The following CLVS1 variants were observed in gnomAD, a reference collection of about 807,000 sequenced individuals.
The protein encoded by CLVS1 is clavesin-1.
A neutral mutation model predicts 33.1 loss-of-function variants in CLVS1; 10 were observed. The observed-to-expected ratio is 0.30, with a 90% CI of 0.19 to 0.51. The LOEUF (loss-of-function observed/expected upper bound fraction) is 0.51, where lower values mean the gene tolerates loss of function less well. Among genes scored for constraint, CLVS1 ranks in the 20% least tolerant of loss-of-function variants. The pLI, the probability that CLVS1 is intolerant of heterozygous loss-of-function variation, is 0.97. For missense variants in CLVS1, 343 were observed against 433.4 expected (o/e 0.79, Z 1.85); for synonymous variants, 163 against 166.1 (o/e 0.98, Z 0.14).
At chr8:61,322,772 A>T (rs1811244162) in intron 2 of CLVS1, among the ~76,000 whole-genome samples, 1 of 152,136 alleles carries the variant, frequency 6.6e-6, no homozygotes. Context: ...TCAATTAATC[A>T]ATTAATTAAT....
chr8:61,089,222 A>G (rs892169097), intron 1 of CLVS1, among the ~76,000 whole-genome samples: 17 of 152,234 alleles, frequency 1.1e-4, no homozygotes, highest in African/African-American at 3.9e-4. Context: ...ATCAATTTCT[A>G]TAATTTAACC....
At position 61,362,392 on chromosome 8, in the gene CLVS1, A is replaced by T. The variant is rs955261960; in HGVS notation, c.456-14213A>T. Among the ~76,000 whole-genome samples, 8 of 152,338 alleles carry T rather than the reference A, an allele frequency of 5.3e-5. No individual in the cohort carries two copies. The South Asian group carries it at 1.7e-3, about 32-fold the overall frequency. ...TGAATGTTCTGTAAGTCTCACAGACATGTCAAGCACACTGGACCTAGGAGT... is the reference window on the plus strand; with the variant it reads ...TGAATGTTCTGTAAGTCTCACAGACTTGTCAAGCACACTGGACCTAGGAGT... On this transcript the variant is annotated intron_variant, in intron 2 of 5. Coordinates refer to ENST00000325897, the MANE Select transcript of CLVS1 (RefSeq NM_173519.3).
intron 2 of CLVS1, among the ~76,000 whole-genome samples, chr8:61,235,236 C>A (rs1486650): frequency 0.22 from 33,023 of 152,066 alleles, 6,224 homozygotes; most frequent in East Asian, 0.68. Flanking sequence ...TCCTAGCTGC[C>A]TGAGGAGCTG....
At chr8:61,067,681 A>G (rs2129279412) in intron 1 of CLVS1, among the ~76,000 whole-genome samples, 1 of 152,206 alleles carries the variant, frequency 6.6e-6, no homozygotes, top group Non-Finnish European at 1.5e-5. Context: ...GCCAGCCTGG[A>G]CAACATAGAG....
chr8:61,173,881 G>C (rs956466899), intron 2 of CLVS1, among the ~76,000 whole-genome samples: 1 of 152,202 alleles, frequency 6.6e-6, no homozygotes, highest in Non-Finnish European at 1.5e-5. Flanking sequence ...AGGATTAGAG[G>C]TAATAGTGTC....
the CLVS1 span, among the ~76,000 whole-genome samples, chr8:60,973,888 G>A: frequency 6.6e-6 from 1 of 152,178 alleles, no homozygotes; most frequent in Non-Finnish European, 1.5e-5. Context: ...GGTGGAGGGT[G>A]GCGGCCCTCT....
chr8:61,103,696 T>C (rs1032353312), intron 1 of CLVS1, among the ~76,000 whole-genome samples: 19 of 152,242 alleles, frequency 1.2e-4, no homozygotes, highest in African/African-American at 4.6e-4. Flanking sequence ...TAACTTTGGA[T>C]GAAATAATAG....
At chr8:61,454,098 G>T (rs759389673) in intron 3 of CLVS1, 43 bp from the exon 4 acceptor site, 3 of 1,338,598 alleles carry the variant, frequency 2.2e-6, no homozygotes, top group Non-Finnish European at 2.2e-6. Flanking sequence ...GTCTAACAAG[G>T]TGTGCTTACT....
intron 2 of CLVS1, among the ~76,000 whole-genome samples, chr8:61,315,201 A>G (rs1810969664): frequency 1.3e-5 from 2 of 152,202 alleles, no homozygotes; most frequent in Admixed American, 1.3e-4. Flanking sequence ...TTGTATCTTC[A>G]TTTGAACTTG....
intron 1 of CLVS1, chr8:61,291,959 T>C: frequency 5.4e-6 from 1 of 184,164 alleles, no homozygotes; most frequent in Middle Eastern, 2.6e-3. Flanking sequence ...GGACCAGCTT[T>C]TCTCAAACAT....
At chr8:61,410,477 T>C (rs1255732936) in intron 3 of CLVS1, among the ~76,000 whole-genome samples, 5 of 152,200 alleles carry the variant, frequency 3.3e-5, no homozygotes, top group Non-Finnish European at 7.3e-5. Flanking sequence ...CCATCTGCTG[T>C]GAATAGAAAT....
the CLVS1 span, among the ~76,000 whole-genome samples, chr8:61,036,178 G>C: frequency 6.6e-6 from 1 of 152,232 alleles, no homozygotes; most frequent in Non-Finnish European, 1.5e-5. Context: ...AAAGGAGAAT[G>C]GGAGAGTTGA....
intron 2 of CLVS1, among the ~76,000 whole-genome samples, chr8:61,372,458 C>G (rs1416067127): frequency 6.6e-6 from 1 of 152,180 alleles, no homozygotes; most frequent in Non-Finnish European, 1.5e-5. Flanking sequence ...ACTGTGAAGA[C>G]AGTACAGAGA....
At chr8:61,298,259 T>G (rs1367538087) in intron 1 of CLVS1, among the ~76,000 whole-genome samples, 2 of 152,176 alleles carry the variant, frequency 1.3e-5, no homozygotes, top group Admixed American at 6.5e-5. Context: ...GGGAAGAGTT[T>G]GTAATACTAT....
chr8:61,335,053 C>T (rs530497382), intron 2 of CLVS1, among the ~76,000 whole-genome samples: 70 of 152,284 alleles, frequency 4.6e-4, no homozygotes, highest in Non-Finnish European at 8.5e-4. Context: ...AGTCTTCTTG[C>T]GCTGAGTCAG....
chr8:61,400,415 G>A (rs1814703622), intron 3 of CLVS1, among the ~76,000 whole-genome samples: 1 of 152,262 alleles, frequency 6.6e-6, no homozygotes, highest in Admixed American at 6.5e-5. Flanking sequence ...TTGCTTATCA[G>A]CTTAAGAAGC....
At chr8:61,227,346 A>G (rs780238524) in intron 2 of CLVS1, among the ~76,000 whole-genome samples, 1 of 151,376 alleles carries the variant, frequency 6.6e-6, no homozygotes. Flanking sequence ...GATCAGGTAC[A>G]TAGCTGTAAA....
chr8:61,376,846 C>A, intron 3 of CLVS1, 67 bp downstream of exon 3: 2 of 1,396,106 alleles, frequency 1.4e-6, no homozygotes, highest in Non-Finnish European at 1.9e-6. Context: ...ATTATCGCAA[C>A]CAAAGTAATA....
At chr8:61,331,640 G>A (rs1811597023) in intron 2 of CLVS1, among the ~76,000 whole-genome samples, 1 of 151,854 alleles carries the variant, frequency 6.6e-6, no homozygotes, top group Admixed American at 6.6e-5. Context: ...TTCACATAGG[G>A]CATAACACTT....
Sources: gnomAD v4.1 joint callset for allele counts (sites outside exome capture counted in the v4.1 genomes callset) on GRCh38, gnomAD v4.1.1 for gene constraint, MANE v1.5 for transcripts, NCBI Gene and HGNC (gene_info 2026-07-23, HGNC 2026-07-21) for gene names.